HECTD4: variants seen among roughly 807,000 people sequenced by gnomAD.
HECTD4 encodes the protein probable E3 ubiquitin-protein ligase HECTD4.
In HECTD4, 114 loss-of-function variants were observed where a neutral mutation model predicts 471.5. The ratio of observed to expected loss-of-function variants is 0.24; its 90% CI spans 0.21 to 0.28. HECTD4 has a LOEUF of 0.28. Among genes scored for constraint, HECTD4 ranks in the 10% least tolerant of loss-of-function variants. The pLI is 1.00. For missense variants in HECTD4, 3,866 were observed against 5,651.5 expected, an observed-to-expected ratio of 0.68 and a Z score of 10.13; for synonymous variants, 2,012 against 2,256.0, an observed-to-expected ratio of 0.89 and a Z score of 3.07.
At chr12:112,329,278 A>G (rs1236932614) in intron 1 of HECTD4, among the ~76,000 whole-genome samples, 1 of 152,090 alleles carries the variant, frequency 6.6e-6, no homozygotes, top group Non-Finnish European at 1.5e-5. Flanking sequence ...AGTACTGTAT[A>G]CATACTTCTT....
chr12:112,267,979 T>C (rs547520254), intron 13 of HECTD4, among the ~76,000 whole-genome samples: 1 of 152,222 alleles, frequency 6.6e-6, no homozygotes, highest in South Asian at 2.1e-4. Flanking sequence ...TGCCAGGGCA[T>C]CGGGCTAATT....
chr12:112,180,338 A>C (rs1201752597), intron 62 of HECTD4, among the ~76,000 whole-genome samples: 2 of 152,180 alleles, frequency 1.3e-5, no homozygotes, highest in Non-Finnish European at 2.9e-5. Flanking sequence ...ACATGAGGTA[A>C]GGAGTTCAAG....
chr12:112,311,559 G>A (rs1472695182), intron 4 of HECTD4, among the ~76,000 whole-genome samples: 2 of 150,582 alleles, frequency 1.3e-5, no homozygotes, highest in African/African-American at 4.9e-5. Context: ...GGGAGGTCGA[G>A]GCTGCAGTTG....
At chr12:112,282,576 G>T (rs1035869395) in intron 8 of HECTD4, among the ~76,000 whole-genome samples, 1 of 152,088 alleles carries the variant, frequency 6.6e-6, no homozygotes. Context: ...GGTGGGGTAG[G>T]GTGGGGTCAC....
At chr12:112,240,110 T>G in intron 32 of HECTD4, 83 bp from the exon 33 acceptor site, 1 of 1,386,886 alleles carries the variant, frequency 7.2e-7, no homozygotes, top group Non-Finnish European at 1.0e-6. Flanking sequence ...TGAGAAACTC[T>G]AGAGTATCTG....
intron 68 of HECTD4, chr12:112,170,735 CTG>C (rs944140958): frequency 6.1e-6 from 3 of 489,564 alleles, no homozygotes; most frequent in Admixed American, 3.4e-5. Context: ...AGACAAAAAG[CTG>C]TGTGTGTGCA....
intron 1 of HECTD4, among the ~76,000 whole-genome samples, chr12:112,357,695 T>C (rs923585980): frequency 9.2e-5 from 14 of 152,220 alleles, no homozygotes; most frequent in South Asian, 2.1e-4. Flanking sequence ...AAAAGACTTA[T>C]ATCACAAAGA....
Position 112,217,211 on chromosome 12 carries a change from A to T in HECTD4, c.7075-16T>A, listed in dbSNP as rs1366196203. The T allele has an allele frequency of 6.7e-7, 1 of 1,493,894 alleles. No individual in the cohort carries two copies. 92.5% of individuals were successfully genotyped at this position (1,493,894 alleles called of 1,614,324 possible). On this transcript the variant is annotated splice_polypyrimidine_tract_variant and intron_variant, in intron 45 of 75. Transcript: ENST00000682272. ...TCTCTTTGGGCTGCATCAGGGAGAA[A>T]AACCCATATTCAGTAGAACTGCAAA...
chr12:112,367,076 C>G (rs374860659), intron 1 of HECTD4, among the ~76,000 whole-genome samples: 31 of 150,340 alleles, frequency 2.1e-4, no homozygotes, highest in African/African-American at 7.3e-4. Context: ...CCGAGGCAAG[C>G]AGATTACTTG....
intron 1 of HECTD4, among the ~76,000 whole-genome samples, chr12:112,331,552 T>C (rs529918683): frequency 1.3e-5 from 2 of 152,340 alleles, no homozygotes; most frequent in South Asian, 4.1e-4. Context: ...GCACCTCCCT[T>C]CATTTTACAC....
At chr12:112,226,471 T>G in intron 44 of HECTD4, 172 bp downstream of exon 44, 1 of 450,606 alleles carries the variant, frequency 2.2e-6, no homozygotes, top group East Asian at 3.2e-5. Flanking sequence ...ATTAAAAGCT[T>G]TTTATTTACA....
chr12:112,287,791 A>G (rs1393382496), intron 7 of HECTD4, among the ~76,000 whole-genome samples: 2 of 152,130 alleles, frequency 1.3e-5, no homozygotes, highest in Admixed American at 6.5e-5. Flanking sequence ...AAGATTCTCA[A>G]GCAGGAATGT....
At chr12:112,280,849 A>T (rs11066231) in intron 8 of HECTD4, among the ~76,000 whole-genome samples, 1 of 142,702 alleles carries the variant, frequency 7.0e-6, no homozygotes, top group Admixed American at 7.2e-5. Flanking sequence ...AGTACAATGG[A>T]GCCATCTCGG....
intron 1 of HECTD4, among the ~76,000 whole-genome samples, chr12:112,340,839 A>G (rs1178867721): frequency 6.6e-6 from 1 of 152,200 alleles, no homozygotes; most frequent in Admixed American, 6.5e-5. Context: ...AATTTTATAT[A>G]TAATTATTAG....
intron 1 of HECTD4, among the ~76,000 whole-genome samples, chr12:112,331,958 G>C (rs1230259135): frequency 6.6e-6 from 1 of 152,088 alleles, no homozygotes; most frequent in Admixed American, 6.5e-5. Context: ...TAAGAGACTA[G>C]AGTGTGTCCA....
chr12:112,238,745 TA>T (rs1230983890), intron 34 of HECTD4, among the ~76,000 whole-genome samples: 1 of 151,962 alleles, frequency 6.6e-6, no homozygotes, highest in East Asian at 1.9e-4. Flanking sequence ...TTTTTTTAAT[TA>T]AAAAAATATA....
intron 2 of HECTD4, among the ~76,000 whole-genome samples, chr12:112,318,163 G>A (rs1169952297): frequency 6.6e-6 from 1 of 151,780 alleles, no homozygotes; most frequent in Non-Finnish European, 1.5e-5. Flanking sequence ...TACTTGGGAG[G>A]CTGAGGCAGG....
chr12:112,212,447 G>A, intron 49 of HECTD4, 40 bp downstream of exon 49: 1 of 1,525,642 alleles, frequency 6.6e-7, no homozygotes, highest in Non-Finnish European at 9.1e-7. Context: ...AACAGGTGAT[G>A]AAGGAGAATT....
chr12:112,297,548 G>C (rs764919307), intron 7 of HECTD4, among the ~76,000 whole-genome samples: 87 of 152,090 alleles, frequency 5.7e-4, no homozygotes, highest in Non-Finnish European at 9.9e-4. Flanking sequence ...AATTTGGCAG[G>C]GGTAGGGGGA....
Sources: allele counts gnomAD v4.1 joint callset (sites outside exome capture counted in the v4.1 genomes callset), GRCh38; gene constraint gnomAD v4.1.1; transcripts MANE v1.5; gene names NCBI Gene and HGNC (gene_info 2026-07-23, HGNC 2026-07-21).